Variants in C2orf78 observed in about 807,000 individuals in gnomAD.
The protein encoded by C2orf78 is uncharacterized protein C2orf78.
C2orf78 carries 12 observed loss-of-function variants against 21.4 expected under a neutral mutation model. The ratio of observed to expected loss-of-function variants is 0.56; its 90% CI spans 0.36 to 0.91. The LOEUF (loss-of-function observed/expected upper bound fraction) is 0.91. C2orf78 is among the 40% of genes least tolerant of loss of function. The pLI is 0.01. For synonymous variants in C2orf78, 396 were observed against 413.9 expected (o/e 0.96, Z 0.52); for missense variants, 1,042 against 1,092.4 (o/e 0.95, Z 0.65).
exon 2 of C2orf78, chr2:73,814,169 A>G (rs751945019): frequency 8.1e-6 from 13 of 1,607,118 alleles, no homozygotes; most frequent in Admixed American, 1.7e-5. Flanking sequence ...ACCAGTCTCT[A>G]CTTCTGGGAT....
At chr2:73,785,595 T>C (rs1410384475) in intron 1 of C2orf78, among the ~76,000 whole-genome samples, 4 of 151,174 alleles carry the variant, frequency 2.6e-5, no homozygotes, top group Non-Finnish European at 5.9e-5. Flanking sequence ...TGAAGTTGAT[T>C]TTAGCAAATG....
At chr2:73,810,170 G>GT (rs112766225) in intron 1 of C2orf78, among the ~76,000 whole-genome samples, 2,064 of 151,818 alleles carry the variant, frequency 0.014, 49 homozygotes, top group African/African-American at 0.045. Context: ...ATATTCAGTT[G>GT]TTTTTTTTCT....
chr2:73,810,919 G>T (rs1247391790), intron 1 of C2orf78, among the ~76,000 whole-genome samples: 2 of 136,420 alleles, frequency 1.5e-5, no homozygotes, highest in African/African-American at 5.5e-5. Flanking sequence ...TATAATATAT[G>T]TATATTATAT....
exon 1 of C2orf78, chr2:73,784,290 G>C (rs1672879897): frequency 7.4e-7 from 1 of 1,350,412 alleles, no homozygotes. Context: ...CCAGTGACCA[G>C]TGGCCTTCAT....
intron 2 of C2orf78, among the ~76,000 whole-genome samples, 165 bp from the exon 3 acceptor site, chr2:73,814,906 G>C (rs963580558): frequency 3.3e-5 from 5 of 152,188 alleles, no homozygotes; most frequent in African/African-American, 1.2e-4. Flanking sequence ...ACCAGTAAGA[G>C]AACAGTCACT....
chr2:73,811,679 A>G (rs960247132), intron 1 of C2orf78, among the ~76,000 whole-genome samples: 2 of 152,110 alleles, frequency 1.3e-5, no homozygotes, highest in Non-Finnish European at 2.9e-5. Context: ...ACTTTCCTAC[A>G]TTCAAAACAT....
At chr2:73,809,539 C>A (rs1673028544) in intron 1 of C2orf78, among the ~76,000 whole-genome samples, 1 of 151,842 alleles carries the variant, frequency 6.6e-6, no homozygotes, top group Non-Finnish European at 1.5e-5. Context: ...AATGTCAATG[C>A]TTTGGGAGCC....
At chr2:73,815,960 C>T in exon 3 of C2orf78, 1 of 1,613,842 alleles carries the variant, frequency 6.2e-7, no homozygotes, top group African/African-American at 1.3e-5. Flanking sequence ...ACAGAAAGAA[C>T]AGCTCCAAGA....
chr2:73,784,636 G>C (rs550807358), intron 1 of C2orf78, among the ~76,000 whole-genome samples: 1 of 151,272 alleles, frequency 6.6e-6, no homozygotes, highest in African/African-American at 2.5e-5. Context: ...TAGGATAATA[G>C]ACTGGTTATT....
rs1172329256 is a variant in C2orf78, at chr2:73,816,389, C to G, written c.2166C>G (p.Pro722=). 3.1e-6 allele frequency: 5 copies of G among 1,613,798 alleles called. No homozygotes were observed. In the African/African-American group the frequency reaches 6.7e-5, roughly 22 times the overall value. ...GGAAGGTCAAGTTGATACCTTTGCC[C>G]TTTCTGACCCTGGACCAACCTCAAG... The change falls in exon 3 of 3, where the codon CCC becomes CCG. Residue 722 remains proline (P), a synonymous_variant. Coordinates refer to ENST00000409561, the Ensembl canonical transcript of C2orf78.
chr2:73,784,836 G>C (rs547919804), intron 1 of C2orf78, among the ~76,000 whole-genome samples: 47 of 151,236 alleles, frequency 3.1e-4, no homozygotes, highest in Non-Finnish European at 6.5e-4. Flanking sequence ...TTCAACTTTC[G>C]TATTTTAAAT....
At chr2:73,815,133 T>C (rs2103992374) in exon 3 of C2orf78, 1 of 1,613,998 alleles carries the variant, frequency 6.2e-7, no homozygotes, top group East Asian at 2.2e-5. Flanking sequence ...CCAGACATTT[T>C]GTCTGCCACA....
At chr2:73,813,803 C>T in exon 2 of C2orf78, 2 of 1,614,060 alleles carry the variant, frequency 1.2e-6, no homozygotes, top group African/African-American at 1.3e-5. Context: ...GTCATCCTCA[C>T]TCAGGGACTT....
exon 3 of C2orf78, chr2:73,815,246 T>C: frequency 6.2e-7 from 1 of 1,613,556 alleles, no homozygotes; most frequent in Non-Finnish European, 8.5e-7. Context: ...CAGTCCAGAG[T>C]CCTACTAATC....
At chr2:73,817,131 A>T in exon 3 of C2orf78, 1 of 947,418 alleles carries the variant, frequency 1.1e-6, no homozygotes, top group Non-Finnish European at 1.4e-6. Context: ...AGTAATAAAG[A>T]GGCCTTTTGA....
chr2:73,808,649 G>C (rs1673007672), intron 1 of C2orf78: 1 of 373,560 alleles, frequency 2.7e-6, no homozygotes, highest in Non-Finnish European at 3.7e-6. Context: ...GGCTATCGCA[G>C]ACCTTTAAAC....
intron 2 of C2orf78, 92 bp from the exon 3 acceptor site, chr2:73,814,979 C>A: frequency 7.9e-7 from 1 of 1,271,236 alleles, no homozygotes; most frequent in Non-Finnish European, 1.1e-6. Flanking sequence ...AAATGCCTTG[C>A]CCATGTTGGA....
intron 1 of C2orf78, among the ~76,000 whole-genome samples, chr2:73,809,566 C>T (rs1485051272): frequency 6.6e-6 from 1 of 151,888 alleles, no homozygotes; most frequent in African/African-American, 2.4e-5. Flanking sequence ...GGGAGGATCG[C>T]TTTGGGCCTA....
rs368260703 is a variant in C2orf78 at position 73,807,038 on chromosome 2, G to A, written c.98-6439G>A. Reference sequence around the variant, plus strand: ...TACAAAAAAATACAAAAAATTAGCCGGGCATGGTGGCGAGTACCTGTAATC... The same window carrying A: ...TACAAAAAAATACAAAAAATTAGCCAGGCATGGTGGCGAGTACCTGTAATC... On this transcript the variant is annotated intron_variant, in intron 1 of 2. Transcript: ENST00000409561. 6.9e-5 allele frequency among the ~76,000 whole-genome samples: 10 copies of A among 144,218 alleles called. 1 individual carries two copies. The East Asian group carries it at 1.2e-3, about 17-fold the overall frequency. The allele number at this position is 144,218 out of a possible 152,430, so 94.6% of individuals were successfully genotyped here. A position where few individuals can be genotyped will look rare whatever the true frequency, so the allele number is the denominator to read the frequency against.
Sources: gnomAD v4.1 joint callset for allele counts (sites outside exome capture counted in the v4.1 genomes callset) on GRCh38, gnomAD v4.1.1 for gene constraint, MANE v1.5 for transcripts, NCBI Gene and HGNC (gene_info 2026-07-23, HGNC 2026-07-21) for gene names.